The following SLC25A26 variants were observed in gnomAD, a reference collection of about 807,000 sequenced individuals.
SLC25A26 encodes the protein mitochondrial S-adenosylmethionine carrier protein.
In SLC25A26, 36 loss-of-function variants were observed where a neutral mutation model predicts 37.8. The ratio of observed to expected loss-of-function variants is 0.95; its 90% CI spans 0.73 to 1.26. The LOEUF (loss-of-function observed/expected upper bound fraction) is 1.26. Among genes scored for constraint, SLC25A26 ranks in the 50% most tolerant of loss-of-function variants. The pLI, the probability that SLC25A26 is intolerant of heterozygous loss-of-function variation, is 0.00. For synonymous variants in SLC25A26, 129 were observed against 122.5 expected (o/e 1.05, Z -0.35); for missense variants, 390 against 331.1 (o/e 1.18, Z -1.38).
Position 66,169,280 on chromosome 3 carries a change from T to A in SLC25A26, c.-354+35296T>A, listed in dbSNP as rs151048737. Among the ~76,000 whole-genome samples the A allele has an allele frequency of 2.3e-3, 348 of 152,348 alleles. 1 individual carries two copies. Among genetic ancestry groups the A allele is most frequent in the Non-Finnish European group, 4.3e-3 (292 of 68,026 alleles). On this transcript the variant is annotated intron_variant, in intron 1 of 10. Coordinates refer to the SLC25A26 transcript ENST00000676754. ...TTAAATATCCAGAAACTGAACTTAG[T>A]GCAGTATTAGATTTACTGAAGCCTT...
chr3:66,150,564 A>G (rs1315771978), intron 1 of SLC25A26, among the ~76,000 whole-genome samples: 2 of 129,074 alleles, frequency 1.5e-5, no homozygotes, highest in East Asian at 2.2e-4. Context: ...ATAATGATAT[A>G]TATAAAAATA....
chr3:66,138,816 A>C (rs1338919031), intron 1 of SLC25A26, among the ~76,000 whole-genome samples: 1 of 151,824 alleles, frequency 6.6e-6, no homozygotes, highest in Non-Finnish European at 1.5e-5. Flanking sequence ...TTAATCTTGT[A>C]CTCCCTCTGC....
chr3:66,215,831 A>G (rs1302496542), intron 1 of SLC25A26, among the ~76,000 whole-genome samples: 19 of 152,188 alleles, frequency 1.2e-4, no homozygotes, highest in African/African-American at 4.6e-4. Context: ...TGTTGTCTTA[A>G]TCCATTTGTG....
intron 1 of SLC25A26, among the ~76,000 whole-genome samples, chr3:66,189,523 CA>C (rs1466510537): frequency 6.6e-6 from 1 of 152,184 alleles, no homozygotes; most frequent in African/African-American, 2.4e-5. Context: ...ATGACCTAAC[CA>C]TCACCAAGTT....
chr3:66,176,525 A>G (rs994009792), intron 1 of SLC25A26, among the ~76,000 whole-genome samples: 24 of 152,208 alleles, frequency 1.6e-4, no homozygotes, highest in African/African-American at 5.3e-4. Flanking sequence ...ACTAAAAAAA[A>G]TCAAATCAGT....
At chr3:66,195,207 C>G (rs1045220400) in intron 1 of SLC25A26, among the ~76,000 whole-genome samples, 1 of 152,222 alleles carries the variant, frequency 6.6e-6, no homozygotes, top group Non-Finnish European at 1.5e-5. Context: ...CCCCATACCC[C>G]CTACCCAGAA....
At chr3:66,345,747 C>A (rs944657817) in intron 5 of SLC25A26, among the ~76,000 whole-genome samples, 1 of 152,158 alleles carries the variant, frequency 6.6e-6, no homozygotes. Flanking sequence ...GAGTAGACAG[C>A]CTTGGCTCTT....
intron 1 of SLC25A26, among the ~76,000 whole-genome samples, chr3:66,136,804 CTTG>C (rs1238430927): frequency 2.6e-5 from 4 of 152,256 alleles, no homozygotes; most frequent in South Asian, 4.1e-4. Context: ...CCTTTCAGGA[CTTG>C]TTAAGACCTT....
chr3:66,323,281 A>G (rs2075745379), intron 5 of SLC25A26, among the ~76,000 whole-genome samples: 1 of 152,216 alleles, frequency 6.6e-6, no homozygotes, highest in Admixed American at 6.5e-5. Flanking sequence ...CTAAAACCAC[A>G]TTTTCCAGTC....
At chr3:66,206,282 A>C (rs2071176127) in intron 1 of SLC25A26, among the ~76,000 whole-genome samples, 3 of 152,222 alleles carry the variant, frequency 2.0e-5, no homozygotes, top group Admixed American at 6.5e-5. Flanking sequence ...TCTACTAAAA[A>C]ATCCTACTTT....
intron 5 of SLC25A26, among the ~76,000 whole-genome samples, chr3:66,275,770 T>C (rs1362905334): frequency 6.6e-6 from 1 of 152,132 alleles, no homozygotes; most frequent in South Asian, 2.1e-4. Context: ...ATTTTGTCTT[T>C]TCTAGTTACA....
At chr3:66,334,768 G>T (rs570775681) in intron 5 of SLC25A26, among the ~76,000 whole-genome samples, 2 of 152,008 alleles carry the variant, frequency 1.3e-5, no homozygotes, top group Non-Finnish European at 2.9e-5. Context: ...AGCTTTGAGG[G>T]CAGCCATAGC....
At chr3:66,325,299 G>A (rs1161926424) in intron 5 of SLC25A26, among the ~76,000 whole-genome samples, 1 of 152,126 alleles carries the variant, frequency 6.6e-6, no homozygotes, top group Non-Finnish European at 1.5e-5. Context: ...AGCTTAATGA[G>A]GTTTTGTAGA....
At chr3:66,277,983 C>G (rs1445888370) in intron 5 of SLC25A26, among the ~76,000 whole-genome samples, 1 of 151,982 alleles carries the variant, frequency 6.6e-6, no homozygotes, top group Admixed American at 6.6e-5. Flanking sequence ...TAAGGAGACA[C>G]AACAAGTAAA....
intron 5 of SLC25A26, among the ~76,000 whole-genome samples, chr3:66,306,856 A>G (rs965586757): frequency 3.3e-5 from 5 of 152,188 alleles, no homozygotes; most frequent in African/African-American, 7.2e-5. Flanking sequence ...TTATGGTTGC[A>G]TAGTATTCCA....
At chr3:66,173,422 A>G (rs2070528965) in intron 1 of SLC25A26, among the ~76,000 whole-genome samples, 1 of 152,214 alleles carries the variant, frequency 6.6e-6, no homozygotes, top group Admixed American at 6.5e-5. Flanking sequence ...CCTGACCACT[A>G]CAGTCTTGTA....
chr3:66,292,161 C>T (rs981845517), intron 5 of SLC25A26, among the ~76,000 whole-genome samples: 1 of 152,048 alleles, frequency 6.6e-6, no homozygotes, highest in African/African-American at 2.4e-5. Context: ...GGTAAATATT[C>T]CTCCATCCTT....
chr3:66,155,523 A>G (rs1156884055), intron 1 of SLC25A26, among the ~76,000 whole-genome samples: 4 of 152,250 alleles, frequency 2.6e-5, no homozygotes, highest in South Asian at 2.1e-4. Context: ...CTCCAAAAAA[A>G]GGAAAGAAAG....
intron 2 of SLC25A26, 24 bp downstream of exon 2, chr3:66,236,724 T>G: frequency 6.7e-7 from 1 of 1,481,576 alleles, no homozygotes; most frequent in Non-Finnish European, 9.0e-7. Context: ...TTCTCACTTC[T>G]GTAAAGCCAA....
Sources: allele counts gnomAD v4.1 joint callset (sites outside exome capture counted in the v4.1 genomes callset), GRCh38; gene constraint gnomAD v4.1.1; transcripts MANE v1.5; gene names NCBI Gene and HGNC (gene_info 2026-07-23, HGNC 2026-07-21).